The following MTDH variants were observed in gnomAD, a reference collection of about 807,000 sequenced individuals.
MTDH encodes metadherin, also known as protein LYRIC.
MTDH carries 34 observed loss-of-function variants against 72.7 expected under a neutral mutation model. That is an observed-to-expected ratio of 0.47 (90% CI 0.36 to 0.62). The LOEUF is 0.62. Ranked by LOEUF, MTDH falls within the 20% of genes least tolerant of loss-of-function variation. MTDH has a pLI of 0.00. For missense variants in MTDH, 677 were observed against 699.4 expected (o/e 0.97, Z 0.36); for synonymous variants, 266 against 268.9 (o/e 0.99, Z 0.10).
intron 2 of MTDH, among the ~76,000 whole-genome samples, chr8:97,667,151 C>T (rs1812426448): frequency 6.6e-6 from 1 of 152,160 alleles, no homozygotes; most frequent in Admixed American, 6.5e-5. Flanking sequence ...CTACCATGTG[C>T]CCAGCTAATT....
intron 1 of MTDH, 53 bp downstream of exon 1, chr8:97,644,940 C>G: frequency 6.8e-7 from 1 of 1,479,036 alleles, no homozygotes. Context: ...GGCGTGGAGA[C>G]CCTCGAGCTT....
At chr8:97,716,154 C>T (rs1265700809) in intron 9 of MTDH, among the ~76,000 whole-genome samples, 5 of 151,640 alleles carry the variant, frequency 3.3e-5, no homozygotes, top group Middle Eastern at 3.4e-3. Context: ...TGGGAGGCCA[C>T]GGCGGGTGGA....
At chr8:97,713,194 C>T (rs976957822) in intron 8 of MTDH, among the ~76,000 whole-genome samples, 12 of 152,122 alleles carry the variant, frequency 7.9e-5, no homozygotes, top group African/African-American at 2.9e-4. Flanking sequence ...ACGCCATTCT[C>T]CTGCTTTAGC....
chr8:97,718,243 A>G (rs997862267), intron 9 of MTDH, among the ~76,000 whole-genome samples: 2 of 151,784 alleles, frequency 1.3e-5, no homozygotes, highest in Non-Finnish European at 2.9e-5. Context: ...GCGTTTCACC[A>G]TGTTGGCCAG....
intron 1 of MTDH, among the ~76,000 whole-genome samples, chr8:97,647,704 A>G (rs1490155117): frequency 6.6e-6 from 1 of 152,164 alleles, no homozygotes; most frequent in East Asian, 1.9e-4. Flanking sequence ...ACAAATTGGA[A>G]ATCTTAGTTG....
Position 97,706,895 on chromosome 8 carries a change from A to G in MTDH, c.1272+145A>G, listed in dbSNP as rs181944409. The G allele has an allele frequency of 4.5e-3, 3,684 of 824,510 alleles. 21 individuals are homozygous for G. The highest frequency in any genetic ancestry group is 0.01 in the South Asian group (404 of 38,938). The allele number at this position is 824,510 out of a possible 1,614,324, so 51.1% of individuals were successfully genotyped here. ...GGAGTTCAAGGCCAGCCTGGGCAAC[A>G]TAGCGAGACCCCATCTCTATTTATA... On this transcript the variant is annotated intron_variant, in intron 8 of 11. Coordinates refer to ENST00000336273, the MANE Select transcript of MTDH (RefSeq NM_178812.4).
Position 97,729,935 on chromosome 8 carries a change from T to TATATA in MTDH, c.*5270_*5274dup, listed in dbSNP as rs1815495087. Among the ~76,000 whole-genome samples the TATATA allele has an allele frequency of 6.6e-6, 1 of 152,194 alleles. No individual in the cohort carries two copies. The highest frequency in any genetic ancestry group is 1.5e-5 in the Non-Finnish European group (1 of 68,040). On this transcript the variant is annotated 3_prime_UTR_variant, in exon 12 of 12. Transcript: ENST00000336273. ...ACAAGTTGAAAGAGAATCACCCTGG[T>TATATA]ATATAATATTTTAAAACATGAAAAA...
intron 2 of MTDH, among the ~76,000 whole-genome samples, chr8:97,668,115 G>A (rs745764576): frequency 2.0e-4 from 31 of 151,902 alleles, no homozygotes; most frequent in African/African-American, 4.1e-4. Context: ...GTGAAACCCC[G>A]TCTCTACTGA....
intron 2 of MTDH, among the ~76,000 whole-genome samples, chr8:97,682,275 TATATA>T (rs1462728739): frequency 5.4e-3 from 30 of 5,520 alleles, no homozygotes; most frequent in Admixed American, 6.6e-3. Context: ...TATATATATA[TATATA>T]TTTTTTTTTT....
Position 97,644,550 on chromosome 8 carries a change from A to G in MTDH, c.44A>G (p.Glu15Gly). 6.2e-7 allele frequency: 1 copy of G among 1,601,570 alleles called. No homozygotes were observed. The highest frequency in any genetic ancestry group is 1.3e-5 in the African/African-American group (1 of 74,304). ...CAGGACGAGCTGGCCCAGCAGGCCG[A>G]GGAGGGCTCGGCCCGGCTGCGGGAA... Reference protein sequence around the residue: ...SWQDELAQQAEEGSARLREML... With the variant: ...SWQDELAQQAGEGSARLREML... Residue 15 changes from glutamate (E) to glycine (G), a missense_variant, in exon 1 of 12, where the codon GAG becomes GGG. Physicochemically the swap from Glu to Gly is moderately conservative, Grantham distance 98. Around this residue, in one of 3 missense-constraint regions of MTDH, gnomAD observed 467 missense variants for 469.1 expected, o/e 1.00. Transcript: ENST00000336273.
chr8:97,717,077 A>G (rs1207518525), intron 9 of MTDH, among the ~76,000 whole-genome samples: 2 of 152,174 alleles, frequency 1.3e-5, no homozygotes, highest in African/African-American at 4.8e-5. Context: ...ACTTTGTAAG[A>G]TTGCAAAACT....
chr8:97,687,270 A>G lies in MTDH; in HGVS notation c.569-159A>G, dbSNP rs1026387210. Among the ~76,000 whole-genome samples, 13 of 152,298 alleles carry G rather than the reference A, an allele frequency of 8.5e-5. No homozygotes were observed. The East Asian group carries it at 1.7e-3, about 20-fold the overall frequency. Reference sequence around the variant, plus strand: ...AAACAACATAATGAAATTAGAAAACATTCTTAGGATGAGTTAATATAATCA... The same window carrying G: ...AAACAACATAATGAAATTAGAAAACGTTCTTAGGATGAGTTAATATAATCA... On this transcript the variant is annotated intron_variant, in intron 3 of 11. Transcript: ENST00000336273.
At position 97,661,106 on chromosome 8, in the gene MTDH, A is replaced by G. The variant is rs546731548; in HGVS notation, c.416A>G (p.Glu139Gly). The G allele has an allele frequency of 1.9e-5, 30 of 1,613,432 alleles. No individual in the cohort carries two copies. Among genetic ancestry groups the G allele is most frequent in the Non-Finnish European group, 2.5e-5 (30 of 1,179,634 alleles). Residue 139 changes from glutamate to glycine, a missense_variant, in exon 2 of 12, where the codon GAA becomes GGA. Physicochemically the swap from Glu to Gly is moderately conservative, Grantham distance 98. Transcript: ENST00000336273. ...NGRTVEVAEG[E>G]AVRTPQSVTA... is the part of the protein sequence containing the mutation. ...CGGACTGTTGAAGTGGCTGAGGGTGAAGCTGTTCGAACACCTCAAAGTGTA... is the reference window on the plus strand; with the variant it reads ...CGGACTGTTGAAGTGGCTGAGGGTGGAGCTGTTCGAACACCTCAAAGTGTA...
intron 2 of MTDH, among the ~76,000 whole-genome samples, chr8:97,662,114 A>G (rs1812194584): frequency 6.6e-6 from 1 of 151,872 alleles, no homozygotes; most frequent in African/African-American, 2.4e-5. Flanking sequence ...ATGAATAAGA[A>G]ATTCTTAACA....
intron 7 of MTDH, among the ~76,000 whole-genome samples, chr8:97,701,018 A>T (rs1814098748): frequency 6.6e-6 from 1 of 152,218 alleles, no homozygotes; most frequent in Non-Finnish European, 1.5e-5. Flanking sequence ...GGTTTTCAGT[A>T]CTAGCTTAGA....
rs530932172 is a variant in MTDH, at chr8:97,723,503, A to G, written c.1678+468A>G. The stretch of plus-strand genomic sequence containing the variant: ...TCACGCCTGTAATCCCAGCACTTTG[A>G]GAGGCTGAGGCGGGCGGATCACTAG... On this transcript the variant is annotated intron_variant, in intron 11 of 11. Coordinates refer to ENST00000336273, the MANE Select transcript of MTDH (RefSeq NM_178812.4). Among the ~76,000 whole-genome samples, 265 of 148,646 alleles carry G rather than the reference A, an allele frequency of 1.8e-3. 1 individual carries two copies. Among genetic ancestry groups the G allele is most frequent in the African/African-American group, 6.1e-3 (248 of 40,502 alleles).
At chr8:97,700,347 GT>G (rs1162176821) in intron 7 of MTDH, among the ~76,000 whole-genome samples, 1 of 151,962 alleles carries the variant, frequency 6.6e-6, no homozygotes, top group East Asian at 1.9e-4. Context: ...AAAATTATGA[GT>G]TTTTTTTCCT....
intron 6 of MTDH, among the ~76,000 whole-genome samples, 170 bp downstream of exon 6, chr8:97,691,358 TTAAA>T (rs764928012): frequency 1.3e-5 from 2 of 152,206 alleles, no homozygotes; most frequent in Non-Finnish European, 2.9e-5. Flanking sequence ...AAGGTGGGAA[TTAAA>T]TAAGTAAATA....
chr8:97,699,310 A>G (rs771580704), intron 6 of MTDH, among the ~76,000 whole-genome samples: 51 of 152,022 alleles, frequency 3.4e-4, no homozygotes, highest in Middle Eastern at 3.2e-3. Flanking sequence ...AAAGCCCAGC[A>G]TGGTGGTACA....
Sources: gnomAD v4.1 joint callset for allele counts (sites outside exome capture counted in the v4.1 genomes callset) on GRCh38, gnomAD v4.1.1 for gene constraint, gnomAD v4.1.1 regional missense constraint, MANE v1.5 for transcripts, NCBI Gene and HGNC (gene_info 2026-07-23, HGNC 2026-07-21) for gene names.